GIGYF2: variants seen among roughly 807,000 people sequenced by gnomAD.
GIGYF2 encodes the protein GRB10-interacting GYF protein 2.
GIGYF2 carries 25 observed loss-of-function variants against 208.1 expected under a neutral mutation model. That is an observed-to-expected ratio of 0.12 (90% CI 0.09 to 0.17). GIGYF2 has a LOEUF of 0.17. Among genes scored for constraint, GIGYF2 ranks in the 10% least tolerant of loss-of-function variants. The probability of loss-of-function intolerance (pLI) is 1.00; values close to 1 mark genes in which losing one functional copy is unlikely to be tolerated. For missense variants in GIGYF2, 1,302 were observed against 1,579.4 expected (o/e 0.82, Z 2.98); for synonymous variants, 534 against 543.8 (o/e 0.98, Z 0.25).
intron 2 of GIGYF2, among the ~76,000 whole-genome samples, chr2:232,733,474 A>G (rs968020779): frequency 6.6e-6 from 1 of 152,168 alleles, no homozygotes; most frequent in Non-Finnish European, 1.5e-5. Flanking sequence ...ACACACTTTT[A>G]CTTTGCTGTT....
chr2:232,826,879 A>T (rs1472489408), intron 21 of GIGYF2, among the ~76,000 whole-genome samples: 1 of 152,232 alleles, frequency 6.6e-6, no homozygotes, highest in East Asian at 1.9e-4. Context: ...AGTCATCCCA[A>T]GCCTTCAGCA....
At chr2:232,831,173 A>G (rs1231486608) in intron 21 of GIGYF2, among the ~76,000 whole-genome samples, 2 of 152,116 alleles carry the variant, frequency 1.3e-5, no homozygotes, top group Non-Finnish European at 2.9e-5. Context: ...AGGTTTCTCC[A>G]CCGTAAGTTA....
chr2:232,778,791 G>A (rs1699615248), intron 8 of GIGYF2, among the ~76,000 whole-genome samples: 1 of 152,100 alleles, frequency 6.6e-6, no homozygotes, highest in African/African-American at 2.4e-5. Context: ...GGGAAAATGA[G>A]GGGAGGAAAT....
At chr2:232,776,562 G>A in intron 8 of GIGYF2, 1 of 801,742 alleles carries the variant, frequency 1.2e-6, no homozygotes, top group Admixed American at 2.0e-5. Flanking sequence ...TCTCTTCTTG[G>A]ACTGGTTTTA....
intron 6 of GIGYF2, among the ~76,000 whole-genome samples, chr2:232,758,831 C>T (rs141735877): frequency 1.9e-3 from 296 of 152,248 alleles, no homozygotes; most frequent in African/African-American, 6.8e-3. Flanking sequence ...GACTTTTGCC[C>T]CCATCCTAAA....
intron 1 of GIGYF2, among the ~76,000 whole-genome samples, chr2:232,698,500 C>T (rs1695706524): frequency 6.6e-6 from 1 of 152,096 alleles, no homozygotes; most frequent in South Asian, 2.1e-4. Flanking sequence ...AAAAAAAATT[C>T]TGTCATTCTT....
In GIGYF2 at chr2:232,747,788, G is replaced by A. The variant is rs549534610; in HGVS notation, c.171+44G>A. ...AGTTCAAAATTGTGAATGAGACTTTGGGATATATACCATGATGTACTGATA... is the reference window on the plus strand; with the variant it reads ...AGTTCAAAATTGTGAATGAGACTTTAGGATATATACCATGATGTACTGATA... On this transcript the variant is annotated intron_variant, in intron 4 of 28. Transcript: ENST00000373563. 27 of 1,569,154 alleles carry A rather than the reference G, an allele frequency of 1.7e-5. 1 individual carries two copies. The East Asian group carries it at 6.1e-4, about 35-fold the overall frequency.
intron 6 of GIGYF2, 150 bp downstream of exon 6, chr2:232,756,484 T>C (rs75546824): frequency 1.8e-6 from 1 of 550,090 alleles, no homozygotes; most frequent in Non-Finnish European, 3.2e-6. Flanking sequence ...TTCAGAACCA[T>C]TTTTTAGAGG....
chr2:232,780,582 C>T (rs1699680359), intron 8 of GIGYF2, among the ~76,000 whole-genome samples: 1 of 152,218 alleles, frequency 6.6e-6, no homozygotes, highest in South Asian at 2.1e-4. Flanking sequence ...GCACAAAGTG[C>T]ATGTCCAGTG....
Position 232,747,717 on chromosome 2 carries a change from G to A in GIGYF2, c.144G>A (p.Met48Ile). Residue 48 changes from methionine (M) to isoleucine (I), a missense_variant, in exon 4 of 29, where the codon ATG (methionine) becomes ATA (isoleucine). By Grantham distance (10) the Met-to-Ile change is conservative. Around this residue, in one of 8 missense-constraint regions of GIGYF2, gnomAD observed 189 missense variants for 257.7 expected, o/e 0.73. Coordinates refer to ENST00000373563, the MANE Select transcript of GIGYF2 (RefSeq NM_001103146.3). Reference sequence around the variant, plus strand: ...ATTATCGTTACGGCAGAGAAGAAATGTTAGCACTTTTCCTTAAAGACAACA... The same window carrying A: ...ATTATCGTTACGGCAGAGAAGAAATATTAGCACTTTTCCTTAAAGACAACA... ...LADYRYGREE[M>I]LALFLKDNKI... The A allele has an allele frequency of 6.2e-7, 1 of 1,613,892 alleles. No individual in the cohort carries two copies. The highest frequency in any genetic ancestry group is 8.5e-7 in the Non-Finnish European group (1 of 1,179,834).
intron 23 of GIGYF2, among the ~76,000 whole-genome samples, chr2:232,842,553 G>C (rs771590681): frequency 1.1e-3 from 167 of 152,030 alleles, no homozygotes; most frequent in Non-Finnish European, 1.9e-3. Flanking sequence ...AATTATTTTT[G>C]TTTTGGTCTT....
intron 3 of GIGYF2, among the ~76,000 whole-genome samples, chr2:232,745,631 A>G (rs1042888828): frequency 1.3e-5 from 2 of 152,220 alleles, no homozygotes; most frequent in African/African-American, 4.8e-5. Flanking sequence ...TTTGGTAACT[A>G]TACCAGGTAG....
chr2:232,752,641 C>T (rs1432022718), intron 5 of GIGYF2, among the ~76,000 whole-genome samples: 1 of 151,526 alleles, frequency 6.6e-6, no homozygotes, highest in Non-Finnish European at 1.5e-5. Flanking sequence ...CTCGGGTTCA[C>T]GCCATTCTCC....
At chr2:232,830,019 G>A (rs892627341) in intron 21 of GIGYF2, among the ~76,000 whole-genome samples, 8 of 151,846 alleles carry the variant, frequency 5.3e-5, no homozygotes, top group African/African-American at 1.9e-4. Context: ...CCACTCTGTC[G>A]CCCAGGCTGG....
intron 18 of GIGYF2, among the ~76,000 whole-genome samples, chr2:232,813,879 G>A (rs1317623074): frequency 1.6e-5 from 2 of 128,928 alleles, no homozygotes; most frequent in Non-Finnish European, 3.1e-5. Context: ...TTTCACAAGT[G>A]GATTTTTTTT....
chr2:232,720,583 A>ATATATATT lies in GIGYF2; in HGVS notation c.-43-14571_-43-14570insATATATTT, dbSNP rs376956632. ...CAGTGTAATATATATATATATATATATTTTTGTTTGTTTGTTTGTTTGTTT... is the reference window on the plus strand; with the variant it reads ...CAGTGTAATATATATATATATATATATATATATTTTTTTGTTTGTTTGTTTGTTTGTTT... On this transcript the variant is annotated intron_variant, in intron 2 of 28. Transcript: ENST00000373563. 4.1e-5 allele frequency among the ~76,000 whole-genome samples: 6 copies of ATATATATT among 144,988 alleles called. No homozygotes were observed. In the South Asian group the frequency reaches 9.4e-4, roughly 23 times the overall value.
In GIGYF2 at chr2:232,794,832, C is replaced by T. The variant is rs745350589; in HGVS notation, c.1367C>T (p.Pro456Leu). The T allele has an allele frequency of 6.2e-7, 1 of 1,613,850 alleles. No homozygotes were observed. Among genetic ancestry groups the T allele is most frequent in the East Asian group, 2.2e-5 (1 of 44,876 alleles). Residue 456 changes from proline to leucine, a missense_variant, in exon 13 of 29, where the codon CCC (proline) becomes CTC (leucine). Pro to Leu is a moderately conservative substitution (Grantham distance 98, BLOSUM62 -3). Around this residue, in one of 8 missense-constraint regions of GIGYF2, gnomAD observed 235 missense variants for 218.8 expected, o/e 1.07. Transcript: ENST00000373563. ...CTTCTCATACTTCCACCTCCTGTTC[C>T]CAATCCTAGTCCTACTCTCCGGCCA... Reference protein sequence around the residue: ...SPLLILPPPVPNPSPTLRPVE... With the variant: ...SPLLILPPPVLNPSPTLRPVE...
At position 232,811,335 on chromosome 2, in the gene GIGYF2, C is replaced by A; in HGVS notation, c.1990C>A (p.Gln664Lys). Reference sequence around the variant, plus strand: ...GTTGGCACTTCTTCTTCAACAGTTTCAGACCTTGAAGATGAGGTTGGTGGT... The same window carrying A: ...GTTGGCACTTCTTCTTCAACAGTTTAAGACCTTGAAGATGAGGTTGGTGGT... ...QQLALLLQQF[Q>K]TLKMRISDQN... is the part of the protein sequence containing the mutation. The change falls in exon 17 of 29, where the codon CAG (glutamine) becomes AAG (lysine). Residue 664 changes from glutamine to lysine, a missense_variant. Transcript: ENST00000373563. 1 of 1,593,000 alleles carries A rather than the reference C, an allele frequency of 6.3e-7. No individual in the cohort carries two copies. The highest frequency in any genetic ancestry group is 8.6e-7 in the Non-Finnish European group (1 of 1,160,848).
chr2:232,808,300 A>G (rs1437128600), intron 15 of GIGYF2, among the ~76,000 whole-genome samples: 1 of 152,204 alleles, frequency 6.6e-6, no homozygotes, highest in Non-Finnish European at 1.5e-5. Flanking sequence ...ATGAGTTTTG[A>G]TCTTACACAT....
Sources: gnomAD v4.1 joint callset for allele counts (sites outside exome capture counted in the v4.1 genomes callset) on GRCh38, gnomAD v4.1.1 for gene constraint, gnomAD v4.1.1 regional missense constraint, MANE v1.5 for transcripts, NCBI Gene and HGNC (gene_info 2026-07-23, HGNC 2026-07-21) for gene names.